FUT8: variants seen among roughly 807,000 people sequenced by gnomAD.
FUT8 encodes fucosyltransferase 8.
In FUT8, 29 loss-of-function variants were observed where a neutral mutation model predicts 71.3. The observed-to-expected ratio is 0.41, with a 90% CI of 0.30 to 0.55. The LOEUF (loss-of-function observed/expected upper bound fraction) is 0.55. Among genes scored for constraint, FUT8 ranks in the 20% least tolerant of loss-of-function variants. The probability of loss-of-function intolerance (pLI) is 0.34; values close to 1 mark genes in which losing one functional copy is unlikely to be tolerated. For missense variants in FUT8, 544 were observed against 702.1 expected, an observed-to-expected ratio of 0.77 and a Z score of 2.55; for synonymous variants, 254 against 239.3, an observed-to-expected ratio of 1.06 and a Z score of -0.57.
chr14:65,461,729 G>A (rs768396854), intron 2 of FUT8, among the ~76,000 whole-genome samples: 7 of 152,182 alleles, frequency 4.6e-5, no homozygotes, highest in Non-Finnish European at 1.0e-4. Flanking sequence ...TGCATAGAAA[G>A]CCAATCACTG....
At chr14:65,704,669 A>C (rs1350338630) in intron 7 of FUT8, among the ~76,000 whole-genome samples, 5 of 152,240 alleles carry the variant, frequency 3.3e-5, no homozygotes, top group Admixed American at 2.6e-4. Context: ...GTAGTCTGCA[A>C]CTTCTTGGCA....
At chr14:65,543,415 C>T (rs1884800849) in intron 2 of FUT8, among the ~76,000 whole-genome samples, 1 of 151,922 alleles carries the variant, frequency 6.6e-6, no homozygotes, top group Non-Finnish European at 1.5e-5. Context: ...AAAGAGCTTG[C>T]TCTGTTTTAG....
At chr14:65,386,864 CAG>C in the FUT8 span, among the ~76,000 whole-genome samples, 1 of 101,846 alleles carries the variant, frequency 9.8e-6, no homozygotes, top group African/African-American at 3.9e-5. Flanking sequence ...TTTTTTGAGA[CAG>C]AGTCTCACTC....
At chr14:65,706,430 G>C (rs1349556682) in intron 7 of FUT8, among the ~76,000 whole-genome samples, 1 of 152,198 alleles carries the variant, frequency 6.6e-6, no homozygotes, top group East Asian at 1.9e-4. Flanking sequence ...GGGCAGATAA[G>C]AGTGTTACCT....
chr14:65,520,477 T>A (rs1883005799), intron 2 of FUT8, among the ~76,000 whole-genome samples: 2 of 152,142 alleles, frequency 1.3e-5, no homozygotes, highest in South Asian at 4.1e-4. Flanking sequence ...AATGTTAAAT[T>A]ATTACTACCT....
chr14:65,733,450 T>C, intron 10 of FUT8, 69 bp downstream of exon 10: 1 of 1,128,358 alleles, frequency 8.9e-7, no homozygotes, highest in Non-Finnish European at 1.2e-6. Context: ...AAAAATTATT[T>C]GTGTGTCTAT....
In FUT8 at chr14:65,545,276, G is replaced by A. The variant is rs779871628; in HGVS notation, c.-227-16061G>A. 5.3e-5 allele frequency among the ~76,000 whole-genome samples: 8 copies of A among 151,986 alleles called. No individual in the cohort carries two copies. In the East Asian group the frequency reaches 5.8e-4, roughly 11 times the overall value. On this transcript the variant is annotated intron_variant, in intron 2 of 10. Transcript: ENST00000673929. Reference sequence around the variant, plus strand: ...AATATTTAGTTAAAAAATGAATTGCGATCAAAGGAGAAGATATTTAAAAAA... The same window carrying A: ...AATATTTAGTTAAAAAATGAATTGCAATCAAAGGAGAAGATATTTAAAAAA...
intron 7 of FUT8, among the ~76,000 whole-genome samples, chr14:65,720,639 C>A (rs1449132351): frequency 6.6e-6 from 1 of 152,136 alleles, no homozygotes; most frequent in Non-Finnish European, 1.5e-5. Context: ...AGGTTACGTG[C>A]CCCCTAGGTC....
chr14:65,635,146 G>A (rs537089125), intron 6 of FUT8, among the ~76,000 whole-genome samples: 12 of 151,974 alleles, frequency 7.9e-5, no homozygotes, highest in Non-Finnish European at 1.6e-4. Flanking sequence ...CTGCTTGGTC[G>A]CTGTTGGTGT....
chr14:65,641,240 T>C (rs918453389), intron 6 of FUT8, among the ~76,000 whole-genome samples: 20 of 152,310 alleles, frequency 1.3e-4, no homozygotes, highest in African/African-American at 4.8e-4. Context: ...AGTTTGTGTT[T>C]CGTAGAATTG....
chr14:65,482,477 AG>A (rs1426398940), intron 2 of FUT8, among the ~76,000 whole-genome samples: 1 of 152,198 alleles, frequency 6.6e-6, no homozygotes, highest in African/African-American at 2.4e-5. Flanking sequence ...CCAACTAAAC[AG>A]TAGCTCAGGA....
chr14:65,465,059 G>A (rs949916364), intron 2 of FUT8, among the ~76,000 whole-genome samples: 5 of 152,102 alleles, frequency 3.3e-5, no homozygotes, highest in Non-Finnish European at 7.4e-5. Context: ...GGTAGATTGT[G>A]TCTTTTAAGG....
chr14:65,507,917 C>T (rs767351140), intron 2 of FUT8, among the ~76,000 whole-genome samples: 47 of 152,260 alleles, frequency 3.1e-4, no homozygotes, highest in Non-Finnish European at 5.6e-4. Context: ...TACATTCCCA[C>T]CAACAGTGTA....
chr14:65,359,447 A>C, the FUT8 span, among the ~76,000 whole-genome samples: 1 of 152,158 alleles, frequency 6.6e-6, no homozygotes, highest in South Asian at 2.1e-4. Flanking sequence ...CATCTCCAGA[A>C]CTTTTTCATC....
intron 3 of FUT8, among the ~76,000 whole-genome samples, chr14:65,610,958 T>G (rs1356488597): frequency 2.0e-5 from 3 of 151,782 alleles, no homozygotes; most frequent in African/African-American, 7.2e-5. Context: ...TGAGAGATAC[T>G]GTTCTGTAAT....
chr14:65,684,618 A>C (rs888711922), intron 7 of FUT8, among the ~76,000 whole-genome samples: 2 of 152,166 alleles, frequency 1.3e-5, no homozygotes, highest in African/African-American at 4.8e-5. Flanking sequence ...CCTCATCTTG[A>C]ATTATAACCC....
intron 5 of FUT8, chr14:65,617,220 G>T: frequency 6.7e-7 from 1 of 1,499,600 alleles, no homozygotes. Flanking sequence ...ATTAACATCA[G>T]CAGCAATATT....
chr14:65,678,221 A>C (rs970002353), intron 7 of FUT8, among the ~76,000 whole-genome samples: 22 of 152,318 alleles, frequency 1.4e-4, no homozygotes, highest in African/African-American at 5.3e-4. Context: ...TTTTAACTTT[A>C]ACAGCCAACA....
intron 2 of FUT8, among the ~76,000 whole-genome samples, chr14:65,461,138 T>C (rs2065963368): frequency 6.6e-6 from 1 of 152,200 alleles, no homozygotes; most frequent in South Asian, 2.1e-4. Flanking sequence ...CCACACTCTC[T>C]CCGAAGGCTC....
Sources: allele counts gnomAD v4.1 joint callset (sites outside exome capture counted in the v4.1 genomes callset), GRCh38; gene constraint gnomAD v4.1.1; transcripts MANE v1.5; gene names NCBI Gene and HGNC (gene_info 2026-07-23, HGNC 2026-07-21).